GPM6A: variants seen among roughly 807,000 people sequenced by gnomAD.
The protein encoded by GPM6A is glycoprotein M6A.
Under a neutral mutation model 32.1 loss-of-function variants are expected in GPM6A, and 7 were observed. The observed-to-expected ratio is 0.22, with a 90% CI of 0.12 to 0.41. GPM6A has a LOEUF of 0.41. GPM6A is among the 10% of genes least tolerant of loss of function. The pLI is 1.00. For missense variants in GPM6A, 235 were observed against 347.2 expected, an observed-to-expected ratio of 0.68 and a Z score of 2.57; for synonymous variants, 130 against 123.4, an observed-to-expected ratio of 1.05 and a Z score of -0.35.
chr4:175,685,663 T>C (rs940820264), intron 2 of GPM6A, among the ~76,000 whole-genome samples: 7 of 152,208 alleles, frequency 4.6e-5, no homozygotes, highest in African/African-American at 1.7e-4. Flanking sequence ...TATCATGTTT[T>C]CTGTTTAGAA....
At chr4:175,903,192 G>T (rs1350500905) in intron 1 of GPM6A, among the ~76,000 whole-genome samples, 1 of 151,866 alleles carries the variant, frequency 6.6e-6, no homozygotes, top group African/African-American at 2.4e-5. Context: ...AATAATGATG[G>T]AATCCTATCC....
At chr4:175,690,743 G>A (rs1744250483) in intron 2 of GPM6A, among the ~76,000 whole-genome samples, 1 of 152,298 alleles carries the variant, frequency 6.6e-6, no homozygotes, top group Admixed American at 6.5e-5. Flanking sequence ...AATCCAGGAG[G>A]ATCTGCTCAC....
intron 1 of GPM6A, chr4:175,787,373 G>T: frequency 1.3e-6 from 2 of 1,534,914 alleles, no homozygotes; most frequent in South Asian, 1.2e-5. Context: ...GCTGCCGGCC[G>T]CTGGCTCCTT....
rs112405088 is a variant in GPM6A, at chr4:175,882,879, T to C, written c.-22-70630A>G. ...AAGAAAATTATTGAACAGGAACAAATAAGAATAAGGTCTTGGAAAAACTGA... is the reference window on the plus strand; with the variant it reads ...AAGAAAATTATTGAACAGGAACAAACAAGAATAAGGTCTTGGAAAAACTGA... On this transcript the variant is annotated intron_variant, in intron 1 of 7. Transcript: ENST00000280187. Among the ~76,000 whole-genome samples the C allele has an allele frequency of 7.2e-5, 11 of 152,036 alleles. 2 individuals carry two copies. Among genetic ancestry groups the C allele is most frequent in the African/African-American group, 2.7e-4 (11 of 41,494 alleles).
At chr4:175,655,514 T>A (rs1177720134) in intron 3 of GPM6A, among the ~76,000 whole-genome samples, 4 of 152,088 alleles carry the variant, frequency 2.6e-5, no homozygotes, top group Non-Finnish European at 5.9e-5. Context: ...ATATATATAT[T>A]TTGTCATCTG....
chr4:175,762,151 G>A (rs140049032), intron 1 of GPM6A, among the ~76,000 whole-genome samples: 6 of 152,222 alleles, frequency 3.9e-5, no homozygotes, highest in East Asian at 3.9e-4. Context: ...AAGTGTCCTC[G>A]TCTAATGTGC....
intron 2 of GPM6A, among the ~76,000 whole-genome samples, chr4:175,677,699 T>C (rs763423956): frequency 6.6e-6 from 1 of 152,162 alleles, no homozygotes; most frequent in Non-Finnish European, 1.5e-5. Flanking sequence ...CTAAAAATTT[T>C]CTGATGTAAT....
At chr4:175,889,739 G>A (rs944684972) in intron 1 of GPM6A, among the ~76,000 whole-genome samples, 4 of 152,110 alleles carry the variant, frequency 2.6e-5, no homozygotes, top group African/African-American at 9.7e-5. Context: ...CGTGAACCCG[G>A]GAGGCGGAGC....
chr4:175,845,515 T>C (rs565044273), intron 1 of GPM6A, among the ~76,000 whole-genome samples: 75 of 152,226 alleles, frequency 4.9e-4, no homozygotes, highest in African/African-American at 1.6e-3. Flanking sequence ...TATGCATATA[T>C]AGAGTTACCG....
At chr4:175,875,673 C>G (rs1454139616) in intron 1 of GPM6A, among the ~76,000 whole-genome samples, 1 of 152,186 alleles carries the variant, frequency 6.6e-6, no homozygotes, top group East Asian at 1.9e-4. Flanking sequence ...CAAATACCAT[C>G]TCATATGCCA....
intron 1 of GPM6A, among the ~76,000 whole-genome samples, chr4:175,959,677 A>G (rs1579665288): frequency 6.6e-6 from 1 of 152,154 alleles, no homozygotes; most frequent in South Asian, 2.1e-4. Context: ...CACTGGACAC[A>G]TTCCTGCCTC....
intron 1 of GPM6A, among the ~76,000 whole-genome samples, chr4:175,710,923 C>G (rs2111089659): frequency 6.6e-6 from 1 of 152,230 alleles, no homozygotes. Flanking sequence ...TGTTTCCTAA[C>G]CTGTATTACC....
chr4:175,720,943 A>G (rs1275351932), intron 1 of GPM6A, among the ~76,000 whole-genome samples: 7 of 150,888 alleles, frequency 4.6e-5, no homozygotes, highest in Non-Finnish European at 1.0e-4. Context: ...AGAGAAAGTA[A>G]TATCAGAACT....
chr4:175,717,800 T>C (rs1466028035), intron 1 of GPM6A, among the ~76,000 whole-genome samples: 2 of 152,234 alleles, frequency 1.3e-5, no homozygotes, highest in Non-Finnish European at 2.9e-5. Flanking sequence ...GAATGTATTA[T>C]AATTTTTCTA....
At chr4:175,699,535 T>C (rs1474941968) in intron 2 of GPM6A, among the ~76,000 whole-genome samples, 2 of 152,228 alleles carry the variant, frequency 1.3e-5, no homozygotes, top group Non-Finnish European at 2.9e-5. Flanking sequence ...CCATTTGTCA[T>C]GACCTTAGCG....
chr4:175,786,969 C>T (rs1733825719), intron 1 of GPM6A: 1 of 195,464 alleles, frequency 5.1e-6, no homozygotes, highest in African/African-American at 2.3e-5. Context: ...TGTTTATTAA[C>T]CTTTCCAGCC....
intron 1 of GPM6A, among the ~76,000 whole-genome samples, chr4:175,909,279 A>C (rs977325446): frequency 1.3e-5 from 2 of 152,118 alleles, no homozygotes; most frequent in Non-Finnish European, 2.9e-5. Flanking sequence ...AGCGGTTGCT[A>C]AGACAGTCCA....
intron 1 of GPM6A, 123 bp downstream of exon 1, chr4:175,812,068 A>G: frequency 1.4e-6 from 1 of 699,276 alleles, no homozygotes; most frequent in Non-Finnish European, 2.4e-6. Context: ...ACTAAAGGAG[A>G]GGAAGGAACA....
At position 175,834,810 on chromosome 4, in the gene GPM6A, G is replaced by A. The variant is rs1472323; in HGVS notation, c.-22-22561C>T. Among the ~76,000 whole-genome samples, 704 of 152,158 alleles carry A rather than the reference G, an allele frequency of 4.6e-3. 7 individuals are homozygous for A. Among genetic ancestry groups the A allele is most frequent in the African/African-American group, 0.016 (677 of 41,520 alleles). On this transcript the variant is annotated intron_variant, in intron 1 of 7. Transcript: ENST00000280187. ...TTATTAAAGCCTTCCTTAATCTTTT[G>A]CATCTGATATCTCTCCCAAAGAAAG...
Sources: gnomAD v4.1 joint callset for allele counts (sites outside exome capture counted in the v4.1 genomes callset) on GRCh38, gnomAD v4.1.1 for gene constraint, MANE v1.5 for transcripts, NCBI Gene and HGNC (gene_info 2026-07-23, HGNC 2026-07-21) for gene names.